LHCGR: variants seen among roughly 807,000 people sequenced by gnomAD.
LHCGR encodes lutropin-choriogonadotropic hormone receptor.
Under a neutral mutation model 60.7 loss-of-function variants are expected in LHCGR, and 55 were observed. The observed-to-expected ratio is 0.91, with a 90% confidence interval of 0.73 to 1.13. The LOEUF (loss-of-function observed/expected upper bound fraction) is 1.13, where lower values mean the gene tolerates loss of function less well. LHCGR is among the 50% of genes most tolerant of loss of function. The pLI is 0.00. For missense variants in LHCGR, 862 were observed against 836.0 expected (o/e 1.03, Z -0.38); for synonymous variants, 337 against 316.5 (o/e 1.06, Z -0.69).
At position 48,687,912 on chromosome 2, in the gene LHCGR, T is replaced by C; in HGVS notation, c.1885A>G (p.Thr629Ala). 1 of 1,614,146 alleles carries C rather than the reference T, an allele frequency of 6.2e-7. No homozygotes were observed. The highest frequency in any genetic ancestry group is 8.5e-7 in the Non-Finnish European group (1 of 1,180,014). Residue 629 changes from threonine to alanine, a missense_variant, in exon 11 of 11, where the codon ACA becomes GCA. Coordinates refer to ENST00000294954, the MANE Select transcript of LHCGR (RefSeq NM_000233.4). The stretch of plus-strand genomic sequence containing the variant: ...AAAAGAAAGAAATCTCTTTGGAATG[T>C]CTTAGTGAATATTGCATACAGAAAT... ...NPFLYAIFTK[T>A]FQRDFFLLLS...
intron 1 of LHCGR, 85 bp downstream of exon 1, chr2:48,755,426 G>C (rs1670162369): frequency 4.7e-6 from 4 of 857,048 alleles, no homozygotes; most frequent in East Asian, 2.7e-5. Flanking sequence ...GGGAAAGGGG[G>C]CCAAAGGAGT....
At chr2:48,726,526 A>G (rs1668737004) in intron 3 of LHCGR, among the ~76,000 whole-genome samples, 1 of 152,118 alleles carries the variant, frequency 6.6e-6, no homozygotes, top group South Asian at 2.1e-4. Context: ...AATTACTGTG[A>G]CTCTACAAAA....
At chr2:48,698,294 G>C (rs1667225868) in intron 9 of LHCGR, among the ~76,000 whole-genome samples, 1 of 152,172 alleles carries the variant, frequency 6.6e-6, no homozygotes, top group African/African-American at 2.4e-5. Flanking sequence ...GATGCTCTCT[G>C]ATAAGGATTA....
chr2:48,711,942 T>G (rs1474085830), intron 7 of LHCGR, among the ~76,000 whole-genome samples: 2 of 151,992 alleles, frequency 1.3e-5, no homozygotes, highest in Non-Finnish European at 2.9e-5. Flanking sequence ...GAGAAGAGAG[T>G]CTAAACTCTT....
chr2:48,734,739 G>A (rs888756145), intron 1 of LHCGR, among the ~76,000 whole-genome samples: 1 of 152,200 alleles, frequency 6.6e-6, no homozygotes, highest in Non-Finnish European at 1.5e-5. Context: ...GGCAAGGACA[G>A]TTCAGCAGCT....
At chr2:48,739,774 G>A (rs1036154514) in intron 1 of LHCGR, among the ~76,000 whole-genome samples, 2 of 151,968 alleles carry the variant, frequency 1.3e-5, no homozygotes, top group African/African-American at 4.8e-5. Flanking sequence ...TAACAAACCT[G>A]CATGTTGTGT....
rs766934639 is a variant in LHCGR, at chr2:48,687,952, A to G, written c.1845T>C (p.Asn615=). The G allele has an allele frequency of 6.2e-7, 1 of 1,614,214 alleles. No homozygotes were observed. Among genetic ancestry groups the G allele is most frequent in the East Asian group, 2.2e-5 (1 of 44,884 alleles). ...CATACAGAAATGGATTGGCACAAGA[A>G]TTGATGGGATAAAAAAGAACCAGTA... ...KVLLVLFYPI[N]SCANPFLYAI... Residue 615 remains asparagine (N), a synonymous_variant, in exon 11 of 11, where the codon AAT becomes AAC. Coordinates refer to ENST00000294954, the MANE Select transcript of LHCGR (RefSeq NM_000233.4).
chr2:48,688,532 G>C lies in LHCGR; in HGVS notation c.1265C>G (p.Thr422Ser). ...GGCATGGTTATAGTACTGGCCCTTG[G>C]TTTGGGAATCAACTGAGGCTATGAG... ...LLLIASVDSQ[T>S]KGQYYNHAID... Residue 422 changes from threonine (T) to serine (S), a missense_variant, in exon 11 of 11, where the codon ACC becomes AGC. Thr to Ser is a moderately conservative substitution (Grantham distance 58, BLOSUM62 1). Coordinates refer to ENST00000294954, the MANE Select transcript of LHCGR (RefSeq NM_000233.4). This position sits in a 1 kb window ranked among gnomAD's most constrained non-coding sequence, Gnocchi z 5.2. 6.2e-7 allele frequency: 1 copy of C among 1,614,194 alleles called. No homozygotes were observed. The highest frequency in any genetic ancestry group is 2.2e-5 in the East Asian group (1 of 44,882).
Position 48,746,866 on chromosome 2 carries a change from C to G in LHCGR, c.161+8645G>C, listed in dbSNP as rs75269393. ...TAAATAAAACTACATGTTGGGTTCT[C>G]CCTGGGGAATGTCTGCCTCACCTGT... On this transcript the variant is annotated intron_variant, in intron 1 of 10. Coordinates refer to ENST00000294954, the MANE Select transcript of LHCGR (RefSeq NM_000233.4). 6.3e-3 allele frequency among the ~76,000 whole-genome samples: 960 copies of G among 152,266 alleles called. 5 individuals carry two copies. Among genetic ancestry groups the G allele is most frequent in the African/African-American group, 0.022 (931 of 41,556 alleles).
Position 48,704,568 on chromosome 2 carries a change from C to A in LHCGR, c.680+4380G>T, listed in dbSNP as rs6722952. On this transcript the variant is annotated intron_variant, in intron 8 of 10. Transcript: ENST00000294954. ...ATTAACTATTGCCTCAATTTCAGGACCTGTTATTGGTCTATTCAGAGATTT... is the reference window on the plus strand; with the variant it reads ...ATTAACTATTGCCTCAATTTCAGGAACTGTTATTGGTCTATTCAGAGATTT... 6.2e-3 allele frequency among the ~76,000 whole-genome samples: 937 copies of A among 152,268 alleles called. 8 individuals carry two copies. The highest frequency in any genetic ancestry group is 0.022 in the African/African-American group (912 of 41,536).
intron 8 of LHCGR, among the ~76,000 whole-genome samples, chr2:48,708,133 G>A (rs567807676): frequency 6.6e-6 from 1 of 152,156 alleles, no homozygotes; most frequent in Non-Finnish European, 1.5e-5. Flanking sequence ...CTGCAGACTG[G>A]ATCTGTTCCT....
At chr2:48,725,811 G>A in intron 3 of LHCGR, 61 bp from the exon 4 acceptor site, 2 of 1,326,946 alleles carry the variant, frequency 1.5e-6, no homozygotes, top group Non-Finnish European at 2.2e-6. Flanking sequence ...TTTGAAATGT[G>A]TGAGATCATG....
chr2:48,721,470 A>T (rs1000483197), intron 6 of LHCGR: 1 of 266,816 alleles, frequency 3.7e-6, no homozygotes, highest in East Asian at 8.8e-5. Context: ...TTATTTTTGA[A>T]ATTATTTTTG....
chr2:48,699,217 C>T (rs768475857), intron 8 of LHCGR, among the ~76,000 whole-genome samples: 51 of 152,314 alleles, frequency 3.3e-4, no homozygotes, highest in Middle Eastern at 6.8e-3. Context: ...TTGCTTTCCC[C>T]TTAATTCTCC....
In LHCGR at chr2:48,698,621, G is replaced by C. The variant is rs749512481; in HGVS notation, c.860C>G (p.Thr287Arg). 7 of 1,613,702 alleles carry C rather than the reference G, an allele frequency of 4.3e-6. No homozygotes were observed. In the African/African-American group the frequency reaches 8.0e-5, roughly 18 times the overall value. ...SHCCAFRNLPTKEQNFSHSIS... is the reference protein window; with the variant it reads ...SHCCAFRNLPRKEQNFSHSIS... ...CCTTTTGGTTTCTACTTACTCTTTT[G>C]TTGGCAAGTTTCTAAAAGCACAGCA... Residue 287 changes from threonine to arginine, a missense_variant, in exon 9 of 11, where the codon ACA becomes AGA. Thr to Arg is a moderately conservative substitution (Grantham distance 71). Transcript: ENST00000294954.
chr2:48,700,031 G>T (rs1416193358), intron 8 of LHCGR, among the ~76,000 whole-genome samples: 1 of 152,216 alleles, frequency 6.6e-6, no homozygotes, highest in African/African-American at 2.4e-5. Flanking sequence ...AGATGAACTT[G>T]ACAACATGGA....
chr2:48,721,966 A>G (rs1309441321), intron 6 of LHCGR, among the ~76,000 whole-genome samples: 1 of 152,216 alleles, frequency 6.6e-6, no homozygotes, highest in Non-Finnish European at 1.5e-5. Context: ...CCTGTCCAAC[A>G]TGGTGAAATC....
At position 48,752,269 on chromosome 2, in the gene LHCGR, TTTC is replaced by T. The variant is rs1669988803; in HGVS notation, c.161+3239_161+3241del. ...GCTATAATCCATGTACCTTGTTTTT[TTTC>T]TTCTTCTTAAACCAAATAGTGAACT... On this transcript the variant is annotated intron_variant, in intron 1 of 10. Transcript: ENST00000294954. Among the ~76,000 whole-genome samples the T allele has an allele frequency of 3.3e-5, 5 of 152,208 alleles. No homozygotes were observed. In the South Asian group the frequency reaches 8.3e-4, roughly 25 times the overall value.
chr2:48,687,521 T>G lies in LHCGR; in HGVS notation c.*176A>C. 1.8e-6 allele frequency: 1 copy of G among 562,020 alleles called. No individual in the cohort carries two copies. The highest frequency in any genetic ancestry group is 3.1e-6 in the Non-Finnish European group (1 of 319,542). The allele number at this position is 562,020 out of a possible 1,614,324, so 34.8% of individuals were successfully genotyped here. ...ATGCCATGTAACAATGACAAATAGT[T>G]TTTAGTGTGGCAGTGGTCATAGACT... On this transcript the variant is annotated 3_prime_UTR_variant, in exon 11 of 11. Coordinates refer to ENST00000294954, the MANE Select transcript of LHCGR (RefSeq NM_000233.4).
Sources: allele counts gnomAD v4.1 joint callset (sites outside exome capture counted in the v4.1 genomes callset), GRCh38; gene constraint gnomAD v4.1.1; non-coding constraint Gnocchi (gnomAD v3.1); transcripts MANE v1.5; gene names NCBI Gene and HGNC (gene_info 2026-07-23, HGNC 2026-07-21).